ARHGEF10L: variants seen among roughly 807,000 people sequenced by gnomAD.
The protein encoded by ARHGEF10L is rho guanine nucleotide exchange factor 10-like protein.
In ARHGEF10L, 69 loss-of-function variants were observed where a neutral mutation model predicts 141.2. The observed-to-expected ratio is 0.49, with a 90% CI of 0.40 to 0.60. The LOEUF (loss-of-function observed/expected upper bound fraction) is 0.60, where lower values mean the gene tolerates loss of function less well. Ranked by LOEUF, ARHGEF10L falls within the 20% of genes least tolerant of loss-of-function variation. ARHGEF10L has a pLI of 0.00. For synonymous variants in ARHGEF10L, 711 were observed against 718.5 expected (o/e 0.99, Z 0.17); for missense variants, 1,482 against 1,734.3 (o/e 0.85, Z 2.58).
chr1:17,536,526 C>T (rs2076577470), upstream of ARHGEF10L, among the ~76,000 whole-genome samples: 1 of 152,052 alleles, frequency 6.6e-6, no homozygotes, highest in Non-Finnish European at 1.5e-5. Flanking sequence ...AGTGAAGAGG[C>T]GGGTGCATGT....
chr1:17,550,649 C>CA (rs2077078238), intron 1 of ARHGEF10L, among the ~76,000 whole-genome samples: 10 of 38,390 alleles, frequency 2.6e-4, no homozygotes, highest in South Asian at 9.1e-4. Flanking sequence ...ATCTCAAAAA[C>CA]GAAAAAAAAA....
At chr1:17,672,333 T>C (rs533741852) in intron 26 of ARHGEF10L, among the ~76,000 whole-genome samples, 1 of 152,286 alleles carries the variant, frequency 6.6e-6, no homozygotes, top group South Asian at 2.1e-4. Flanking sequence ...TAGTTTTCTG[T>C]CTCCTATCTT....
chr1:17,624,133 C>T lies in ARHGEF10L; in HGVS notation c.1201-254C>T, dbSNP rs367621224. On this transcript the variant is annotated intron_variant, in intron 12 of 28. Coordinates refer to ENST00000361221, the MANE Select transcript of ARHGEF10L (RefSeq NM_018125.4). ...ATGGAGACCTGGGAGGCGAAGGTCC[C>T]CTGGGCTCTCCTGTGGCACCACCCC... 1.1e-4 allele frequency among the ~76,000 whole-genome samples: 16 copies of T among 152,312 alleles called. No homozygotes were observed. The East Asian group carries it at 1.7e-3, about 17-fold the overall frequency.
chr1:17,689,352 C>T (rs1010407122), intron 27 of ARHGEF10L, among the ~76,000 whole-genome samples: 4 of 150,772 alleles, frequency 2.7e-5, no homozygotes, highest in East Asian at 4.0e-4. Context: ...TGTCCTGGGC[C>T]GGCAGGGTGG....
chr1:17,522,934 G>A, the ARHGEF10L span, among the ~76,000 whole-genome samples: 1 of 152,048 alleles, frequency 6.6e-6, no homozygotes, highest in East Asian at 1.9e-4. Context: ...CAGCAATATT[G>A]ACCACTAATA....
chr1:17,598,644 T>C (rs2080343212), intron 4 of ARHGEF10L, among the ~76,000 whole-genome samples: 1 of 152,154 alleles, frequency 6.6e-6, no homozygotes, highest in Non-Finnish European at 1.5e-5. Context: ...CCTAATACTA[T>C]CACCTTGGGG....
rs747987742 is a variant in ARHGEF10L, at chr1:17,616,123, C to T, written c.756C>T (p.Ser252=). 3.9e-5 allele frequency: 63 copies of T among 1,613,662 alleles called. No homozygotes were observed. Among genetic ancestry groups the T allele is most frequent in the Admixed American group, 3.3e-4 (20 of 60,002 alleles). ...KMTQLMKAAK[S]GTKDGLEKTR... ...CCCAGCTCATGAAGGCCGCCAAGAG[C>T]GGGACCAAGGATGGGCTGGAGAAGA... Residue 252 remains serine, a synonymous_variant, in exon 9 of 29, where the codon AGC becomes AGT. Coordinates refer to ENST00000361221, the MANE Select transcript of ARHGEF10L (RefSeq NM_018125.4).
chr1:17,635,545 G>A (rs1001694550), intron 18 of ARHGEF10L, among the ~76,000 whole-genome samples: 46 of 152,320 alleles, frequency 3.0e-4, no homozygotes, highest in Non-Finnish European at 4.3e-4. Flanking sequence ...GCCCTCTCCA[G>A]CCTGTGCCTT....
chr1:17,620,334 G>A (rs1315846738), intron 10 of ARHGEF10L, among the ~76,000 whole-genome samples: 1 of 152,228 alleles, frequency 6.6e-6, no homozygotes, highest in Non-Finnish European at 1.5e-5. Flanking sequence ...ATGAAACAGG[G>A]TGCGAGATCC....
intron 16 of ARHGEF10L, among the ~76,000 whole-genome samples, chr1:17,632,969 C>A (rs1401976631): frequency 1.3e-5 from 2 of 152,232 alleles, no homozygotes; most frequent in Non-Finnish European, 2.9e-5. Context: ...GGCTGCTGGG[C>A]TGTGCCTGGG....
chr1:17,588,518 C>T, intron 4 of ARHGEF10L, 39 bp downstream of exon 4: 1 of 1,613,274 alleles, frequency 6.2e-7, no homozygotes, highest in Non-Finnish European at 8.5e-7. Flanking sequence ...CGGTTGGAAA[C>T]AGGGAGACAC....
rs574533071 is a variant in ARHGEF10L, at chr1:17,561,282, G to A, written c.-43-19271G>A. ...CTGCCCTGCACCTCCCCCCCGCCCC[G>A]TCATGCTGGCAGCCCGGGAGCAGTC... On this transcript the variant is annotated intron_variant, in intron 1 of 28. Transcript: ENST00000361221. Among the ~76,000 whole-genome samples, 17 of 152,278 alleles carry A rather than the reference G, an allele frequency of 1.1e-4. No homozygotes were observed. The South Asian group carries it at 1.5e-3, about 13-fold the overall frequency.
At chr1:17,599,366 C>T (rs2080418924) in intron 4 of ARHGEF10L, among the ~76,000 whole-genome samples, 2 of 151,306 alleles carry the variant, frequency 1.3e-5, no homozygotes, top group South Asian at 2.1e-4. Context: ...AAAAAACGTG[C>T]AATTACATGT....
intron 21 of ARHGEF10L, among the ~76,000 whole-genome samples, chr1:17,647,915 T>A (rs2061692426): frequency 6.6e-6 from 1 of 152,062 alleles, no homozygotes; most frequent in African/African-American, 2.4e-5. Flanking sequence ...TGGGGTCGGG[T>A]TAGGCATCTG....
intron 26 of ARHGEF10L, among the ~76,000 whole-genome samples, chr1:17,674,511 G>A (rs1036772740): frequency 3.9e-5 from 6 of 152,206 alleles, no homozygotes; most frequent in African/African-American, 1.4e-4. Flanking sequence ...CCACTGATCC[G>A]AGGAGCCCAG....
At chr1:17,624,026 C>T (rs1160398770) in intron 12 of ARHGEF10L, among the ~76,000 whole-genome samples, 3 of 152,182 alleles carry the variant, frequency 2.0e-5, no homozygotes, top group African/African-American at 7.2e-5. Context: ...CATTCGATTT[C>T]CTGAACGTGA....
chr1:17,591,599 A>G lies in ARHGEF10L; in HGVS notation c.257+3120A>G, dbSNP rs111510124. 2.2e-3 allele frequency among the ~76,000 whole-genome samples: 339 copies of G among 152,096 alleles called. 4 individuals are homozygous for G. Among genetic ancestry groups the G allele is most frequent in the African/African-American group, 7.9e-3 (328 of 41,490 alleles). ...CTAATTTTTTGTATTTTTAGTAGAGATGGGGTTTCATCATGTTGGCCAGGC... is the reference window on the plus strand; with the variant it reads ...CTAATTTTTTGTATTTTTAGTAGAGGTGGGGTTTCATCATGTTGGCCAGGC... On this transcript the variant is annotated intron_variant, in intron 4 of 28. Transcript: ENST00000361221.
At chr1:17,537,492 G>A (rs1480124136), upstream of ARHGEF10L, among the ~76,000 whole-genome samples, 2 of 152,174 alleles carry the variant, frequency 1.3e-5, no homozygotes, top group Admixed American at 6.5e-5. Flanking sequence ...AAGCTAGATG[G>A]GTCAAATCAG....
At chr1:17,618,874 C>T (rs2101343194) in intron 9 of ARHGEF10L, among the ~76,000 whole-genome samples, 1 of 152,268 alleles carries the variant, frequency 6.6e-6, no homozygotes, top group Admixed American at 6.5e-5. Flanking sequence ...TGTTTTATTT[C>T]AAAAGGAAAG....
Sources: gnomAD v4.1 joint callset for allele counts (sites outside exome capture counted in the v4.1 genomes callset) on GRCh38, gnomAD v4.1.1 for gene constraint, MANE v1.5 for transcripts, NCBI Gene and HGNC (gene_info 2026-07-23, HGNC 2026-07-21) for gene names.